Variants in CFDP1 observed in about 807,000 individuals in gnomAD.
CFDP1 encodes the protein chromatin remodeling protein CFDP1.
A neutral mutation model predicts 40.1 loss-of-function variants in CFDP1; 31 were observed. That is an observed-to-expected ratio of 0.77 (90% CI 0.58 to 1.04). CFDP1 has a LOEUF of 1.04. CFDP1 is among the 50% of genes least tolerant of loss of function. The pLI is 0.00. For missense variants in CFDP1, 423 were observed against 343.4 expected, an observed-to-expected ratio of 1.23 and a Z score of -1.83; for synonymous variants, 167 against 120.0, an observed-to-expected ratio of 1.39 and a Z score of -2.56.
intron 5 of CFDP1, among the ~76,000 whole-genome samples, chr16:75,321,058 T>G (rs1012096076): frequency 6.6e-6 from 1 of 152,010 alleles, no homozygotes; most frequent in African/African-American, 2.4e-5. Flanking sequence ...GCTTCCTGAG[T>G]AGCTGGGAGT....
chr16:75,326,243 TTTTG>T (rs745384361), intron 5 of CFDP1, among the ~76,000 whole-genome samples: 13 of 152,192 alleles, frequency 8.5e-5, no homozygotes, highest in African/African-American at 4.8e-5. Flanking sequence ...GCCGGGTTGC[TTTTG>T]TTTGTTTGGT....
intron 5 of CFDP1, chr16:75,305,386 C>T (rs2078250081): frequency 5.3e-6 from 3 of 562,680 alleles, no homozygotes; most frequent in Non-Finnish European, 9.4e-6. Context: ...CTTAACACCA[C>T]TGTCTGCTCT....
At chr16:75,402,519 C>A (rs2079064242) in intron 4 of CFDP1, among the ~76,000 whole-genome samples, 1 of 152,026 alleles carries the variant, frequency 6.6e-6, no homozygotes, top group African/African-American at 2.4e-5. Context: ...TGATCAAAGC[C>A]CAAAATTTAA....
chr16:75,313,790 CAT>C lies in CFDP1; in HGVS notation c.651-8610_651-8609del, dbSNP rs1350835933. The stretch of plus-strand genomic sequence containing the variant: ...CCCTTGAATTACATAAAAGAAATTC[CAT>C]AGAGAATCTCAAGTTGAAAGTCTGA... On this transcript the variant is annotated intron_variant, in intron 5 of 6. Transcript: ENST00000283882. Among the ~76,000 whole-genome samples the C allele has an allele frequency of 3.3e-5, 5 of 150,452 alleles. No homozygotes were observed. In the East Asian group the frequency reaches 7.7e-4, roughly 23 times the overall value.
chr16:75,393,185 C>T (rs1023400995), intron 5 of CFDP1, among the ~76,000 whole-genome samples: 1 of 152,178 alleles, frequency 6.6e-6, no homozygotes, highest in African/African-American at 2.4e-5. Flanking sequence ...TCACTGTGTT[C>T]TTCCCAATCT....
rs1452762417 is a variant in CFDP1, at chr16:75,294,010, A to T, written c.842T>A (p.Val281Glu). The T allele has an allele frequency of 1.2e-6, 2 of 1,614,026 alleles. No homozygotes were observed. Among genetic ancestry groups the T allele is most frequent in the Admixed American group, 3.3e-5 (2 of 59,996 alleles). ...CTCAATTTCAAACTGCCTGTGATCC[A>T]CTCGGTCAAGGAAGGCTTTCCGTTC... Reference protein sequence around the residue: ...YIERKAFLDRVDHRQFEIERD... With the variant: ...YIERKAFLDREDHRQFEIERD... The change falls in exon 7 of 7, where the codon GTG becomes GAG. Residue 281 changes from valine (V) to glutamate (E), a missense_variant. Physicochemically the swap from Val to Glu is moderately radical, Grantham distance 121. Transcript: ENST00000283882.
chr16:75,389,336 A>C (rs1425889969), intron 5 of CFDP1, among the ~76,000 whole-genome samples: 1 of 152,216 alleles, frequency 6.6e-6, no homozygotes, highest in African/African-American at 2.4e-5. Context: ...TTTACTACCA[A>C]ATGTAGGAGA....
chr16:75,425,903 G>T (rs1353637162), intron 1 of CFDP1, among the ~76,000 whole-genome samples: 1 of 151,088 alleles, frequency 6.6e-6, no homozygotes, highest in Non-Finnish European at 1.5e-5. Flanking sequence ...AGGCGTGGTG[G>T]CAGGCGCCTA....
chr16:75,370,570 T>C (rs970097521), intron 5 of CFDP1, among the ~76,000 whole-genome samples: 3 of 151,992 alleles, frequency 2.0e-5, no homozygotes, highest in African/African-American at 7.2e-5. Context: ...ATAATAATAA[T>C]AATAATGTGT....
At chr16:75,424,261 G>C (rs1041878214) in intron 1 of CFDP1, among the ~76,000 whole-genome samples, 7 of 152,300 alleles carry the variant, frequency 4.6e-5, no homozygotes, top group Admixed American at 3.3e-4. Context: ...CATTTGCTTA[G>C]ACTTTGTGCC....
chr16:75,424,008 C>CT (rs2079307586), intron 1 of CFDP1, among the ~76,000 whole-genome samples: 1 of 152,086 alleles, frequency 6.6e-6, no homozygotes, highest in Non-Finnish European at 1.5e-5. Context: ...AGAAATAAGT[C>CT]TGTCAGAAAT....
chr16:75,304,984 T>G, intron 6 of CFDP1, 40 bp downstream of exon 6: 1 of 1,597,146 alleles, frequency 6.3e-7, no homozygotes, highest in Non-Finnish European at 8.6e-7. Context: ...ATTTCAGGGT[T>G]CTGAGGATTT....
chr16:75,350,430 T>C (rs189161120), intron 5 of CFDP1, among the ~76,000 whole-genome samples: 297 of 152,316 alleles, frequency 1.9e-3, no homozygotes, highest in Non-Finnish European at 3.5e-3. Flanking sequence ...ACCATCCTAG[T>C]GGGTGTGAAG....
intron 4 of CFDP1, among the ~76,000 whole-genome samples, chr16:75,397,892 G>C (rs932654193): frequency 6.6e-6 from 1 of 152,210 alleles, no homozygotes; most frequent in Admixed American, 6.5e-5. Context: ...TACACGACTT[G>C]CTACAAAGGC....
chr16:75,353,525 G>A (rs1187823118), intron 5 of CFDP1, among the ~76,000 whole-genome samples: 1 of 152,044 alleles, frequency 6.6e-6, no homozygotes, highest in Non-Finnish European at 1.5e-5. Context: ...ACTTTGGGAG[G>A]CCGAGGCGGG....
At chr16:75,415,616 C>T (rs966897011) in intron 1 of CFDP1, among the ~76,000 whole-genome samples, 3 of 152,208 alleles carry the variant, frequency 2.0e-5, no homozygotes, top group African/African-American at 4.8e-5. Context: ...CAGAAGCCTG[C>T]AGTGTGTACT....
At chr16:75,357,447 G>A (rs937262444) in intron 5 of CFDP1, among the ~76,000 whole-genome samples, 9 of 151,814 alleles carry the variant, frequency 5.9e-5, no homozygotes, top group Non-Finnish European at 1.0e-4. Flanking sequence ...TAGAGACGGG[G>A]TTTCACCATA....
chr16:75,324,780 ATT>A (rs1567645842), intron 5 of CFDP1: 4 of 151,752 alleles, frequency 2.6e-5, no homozygotes, highest in African/African-American at 9.7e-5. Context: ...GCTAGGAAAG[ATT>A]AGTGGAGCTG....
intron 5 of CFDP1, among the ~76,000 whole-genome samples, chr16:75,352,532 A>G (rs1341936174): frequency 3.3e-5 from 5 of 152,242 alleles, no homozygotes; most frequent in African/African-American, 1.2e-4. Context: ...CCATAAGTGT[A>G]ATAAGTGTAT....
Sources: allele counts gnomAD v4.1 joint callset (sites outside exome capture counted in the v4.1 genomes callset), GRCh38; gene constraint gnomAD v4.1.1; transcripts MANE v1.5; gene names NCBI Gene and HGNC (gene_info 2026-07-23, HGNC 2026-07-21).